Variants in GTF3C1 observed in about 807,000 individuals in gnomAD.
GTF3C1 encodes the protein general transcription factor 3C polypeptide 1.
GTF3C1 carries 57 observed loss-of-function variants against 226.7 expected under a neutral mutation model. That is an observed-to-expected ratio of 0.25 (90% CI 0.20 to 0.31). The LOEUF is 0.31. Ranked by LOEUF, GTF3C1 falls within the 10% of genes least tolerant of loss-of-function variation. The pLI is 1.00. For synonymous variants in GTF3C1, 1,090 were observed against 1,084.8 expected, an observed-to-expected ratio of 1.00 and a Z score of -0.09; for missense variants, 2,217 against 2,776.1, an observed-to-expected ratio of 0.80 and a Z score of 4.53.
chr16:27,464,262 G>T (rs1455285243), intron 34 of GTF3C1, 58 bp downstream of exon 34: 3 of 1,162,394 alleles, frequency 2.6e-6, no homozygotes, highest in African/African-American at 3.2e-5. Flanking sequence ...CCATCAGGGC[G>T]GAGGGGAGGG....
intron 27 of GTF3C1, among the ~76,000 whole-genome samples, chr16:27,480,127 G>A (rs568691610): frequency 4.6e-5 from 7 of 151,680 alleles, no homozygotes; most frequent in Admixed American, 3.3e-4. Flanking sequence ...CGTGAACCTG[G>A]GAAGCGGAGC....
At chr16:27,498,274 T>C (rs576786933) in intron 13 of GTF3C1, among the ~76,000 whole-genome samples, 3 of 152,310 alleles carry the variant, frequency 2.0e-5, no homozygotes, top group Admixed American at 1.3e-4. Context: ...CCCTGAGTTT[T>C]CTCTCAGCTC....
At position 27,488,477 on chromosome 16, in the gene GTF3C1, A is replaced by C. The variant is rs757009555; in HGVS notation, c.3512-62T>G. The C allele has an allele frequency of 3.6e-4, 560 of 1,555,004 alleles. 1 individual carries two copies. Among genetic ancestry groups the C allele is most frequent in the Non-Finnish European group, 4.7e-4 (535 of 1,126,646 alleles). Reference sequence around the variant, plus strand: ...AGTGCTGCAAAGGCCAGGAAGACCAAACCGAACATAGGGTAGTCGTTTAGG... The same window carrying C: ...AGTGCTGCAAAGGCCAGGAAGACCACACCGAACATAGGGTAGTCGTTTAGG... On this transcript the variant is annotated intron_variant, in intron 22 of 36. Coordinates refer to ENST00000356183, the MANE Select transcript of GTF3C1 (RefSeq NM_001520.4).
At position 27,470,964 on chromosome 16, in the gene GTF3C1, G is replaced by A. The variant is rs1596615418; in HGVS notation, c.4527-569C>T. Among the ~76,000 whole-genome samples the A allele has an allele frequency of 6.6e-6, 1 of 152,242 alleles. No individual in the cohort carries two copies. The highest frequency in any genetic ancestry group is 2.4e-5 in the African/African-American group (1 of 41,458). On this transcript the variant is annotated intron_variant, in intron 30 of 36. Coordinates refer to ENST00000356183, the MANE Select transcript of GTF3C1 (RefSeq NM_001520.4). This position sits in a 1 kb window ranked among gnomAD's most constrained non-coding sequence, Gnocchi z 4.9. ...TCAGAGCAGTGTCTCCGTGACAAAT[G>A]GCCTTGTTGGATTTGGGCACGTATC...
intron 6 of GTF3C1, among the ~76,000 whole-genome samples, chr16:27,521,038 G>A (rs558084742): frequency 1.1e-4 from 17 of 152,168 alleles, no homozygotes; most frequent in African/African-American, 1.7e-4. Context: ...CTCTTAAAGC[G>A]CGATCAATAG....
rs776072038 is a variant in GTF3C1 at position 27,511,817 on chromosome 16, A to G, written c.1058T>C (p.Ile353Thr). The G allele has an allele frequency of 1.2e-6, 2 of 1,614,168 alleles. No individual in the cohort carries two copies. Among genetic ancestry groups the G allele is most frequent in the East Asian group, 2.2e-5 (1 of 44,882 alleles). The change falls in exon 7 of 37, where the codon ATC (isoleucine) becomes ACC (threonine). Residue 353 changes from isoleucine to threonine, a missense_variant. By Grantham distance (89) the Ile-to-Thr change is moderately conservative. Transcript: ENST00000356183. ...DHDDDEDEEV[I>T]SKTVPPVDIV... ...GTCCACTGGAGGCACTGTCTTGGAG[A>G]TGACCTCCTCGTCCTCGTCATCATC...
chr16:27,476,528 A>G lies in GTF3C1; in HGVS notation c.4276T>C (p.Phe1426Leu). Reference sequence around the variant, plus strand: ...TGGATCAGGTTCTGAAGCACCAGAAAGTGGATGTCATCCACGCTGAAAGAG... The same window carrying G: ...TGGATCAGGTTCTGAAGCACCAGAAGGTGGATGTCATCCACGCTGAAAGAG... ...DELNSVDDIH[F>L]LVLQNLIQST... The change falls in exon 29 of 37, where the codon TTT (phenylalanine) becomes CTT (leucine). Residue 1426 changes from phenylalanine (F) to leucine (L), a missense_variant. Coordinates refer to ENST00000356183, the MANE Select transcript of GTF3C1 (RefSeq NM_001520.4). The G allele has an allele frequency of 6.2e-7, 1 of 1,609,578 alleles. No individual in the cohort carries two copies. Among genetic ancestry groups the G allele is most frequent in the Non-Finnish European group, 8.5e-7 (1 of 1,176,028 alleles).
In GTF3C1 at chr16:27,484,284, C is replaced by G; in HGVS notation, c.3928G>C (p.Asp1310His). ...CGTCCAACGGAATGAGATGTTTTAT[C>G]CAAAGACTCTTCAAACGTGGCATGC... ...ILHATFEESL[D>H]KTSHSVGRRA... Residue 1310 changes from aspartate to histidine, a missense_variant, in exon 25 of 37, where the codon GAT (aspartate) becomes CAT (histidine). Physicochemically the swap from Asp to His is moderately conservative, Grantham distance 81 (BLOSUM62 -1). This residue lies in a region of GTF3C1 where 546 missense variants were observed against 663.0 expected (regional missense o/e 0.82). Coordinates refer to ENST00000356183, the MANE Select transcript of GTF3C1 (RefSeq NM_001520.4). The G allele has an allele frequency of 6.2e-7, 1 of 1,607,424 alleles. No individual in the cohort carries two copies. Among genetic ancestry groups the G allele is most frequent in the Non-Finnish European group, 8.5e-7 (1 of 1,173,906 alleles).
At position 27,494,821 on chromosome 16, in the gene GTF3C1, T is replaced by C. The variant is rs758373951; in HGVS notation, c.2720A>G (p.Asp907Gly). ...GGAGAGGGGAAGGCAGAGGAGGATG[T>C]CGCTGACGAGAGCCCAGCCAAAGCC... is the stretch of plus-strand genomic sequence containing the variant. The part of the protein sequence containing the change: ...DFGFGWALVS[D>G]ILLCLPLSIF... The change falls in exon 16 of 37, where the codon GAC becomes GGC. Residue 907 changes from aspartate to glycine, a missense_variant. This residue lies in a region of GTF3C1 where 353 missense variants were observed against 411.7 expected (regional missense o/e 0.86). Transcript: ENST00000356183. 6.2e-7 allele frequency: 1 copy of C among 1,612,838 alleles called. No homozygotes were observed. Among genetic ancestry groups the C allele is most frequent in the Non-Finnish European group, 8.5e-7 (1 of 1,178,856 alleles).
intron 32 of GTF3C1, among the ~76,000 whole-genome samples, chr16:27,467,560 GTCT>G (rs1459732937): frequency 6.6e-6 from 1 of 152,174 alleles, no homozygotes; most frequent in Non-Finnish European, 1.5e-5. Context: ...TCACTTTCAA[GTCT>G]TATTATTTAA....
rs1567411387 is a variant in GTF3C1, at chr16:27,528,661, T to C, written c.910A>G (p.Lys304Glu). ...TCTTGCAAGCGAAGAGACACCACCT[T>C]GGCTAGCCCGGCGTTCAGCATATAC... ...YQYMLNAGLA[K>E]VVSLRLQEIH... is the part of the protein sequence containing the mutation. The change falls in exon 6 of 37, where the codon AAG becomes GAG. Residue 304 changes from lysine (K) to glutamate (E), a missense_variant. By Grantham distance (56) the Lys-to-Glu change is moderately conservative. This residue lies in a region of GTF3C1 where 163 missense variants were observed against 234.3 expected (regional missense o/e 0.70). Coordinates refer to ENST00000356183, the MANE Select transcript of GTF3C1 (RefSeq NM_001520.4). 2 of 1,612,792 alleles carry C rather than the reference T, an allele frequency of 1.2e-6. No homozygotes were observed. The highest frequency in any genetic ancestry group is 1.7e-6 in the Non-Finnish European group (2 of 1,178,790).
At chr16:27,529,485 A>G (rs982895205) in intron 5 of GTF3C1, among the ~76,000 whole-genome samples, 26 of 152,120 alleles carry the variant, frequency 1.7e-4, no homozygotes, top group African/African-American at 6.3e-4. Flanking sequence ...TGGTCTCTGA[A>G]GTTACAACAG....
chr16:27,492,631 G>A lies in GTF3C1; in HGVS notation c.2959C>T (p.Gln987Ter). Residue 987 changes from glutamine (Q) to a stop codon, truncating the protein, a stop_gained, in exon 18 of 37, where the codon CAG becomes TAG. Transcript: ENST00000356183. LOFTEE classifies it high-confidence loss of function. This position sits in a 1 kb window ranked among gnomAD's most constrained non-coding sequence, Gnocchi z 5.0. ...AGGGACATTACCTGATCTTTATCCT[G>A]AAACTTTTCCGTGGGACCAAACTGT... Reference protein sequence around the residue: ...LLQFGPTEKFQDKDQVFIFLK... With the variant: ...LLQFGPTEKF 2 of 1,595,828 alleles carry A rather than the reference G, an allele frequency of 1.3e-6. No individual in the cohort carries two copies. The highest frequency in any genetic ancestry group is 1.7e-6 in the Non-Finnish European group (2 of 1,163,332).
intron 4 of GTF3C1, among the ~76,000 whole-genome samples, chr16:27,537,428 G>T (rs186781918): frequency 3.9e-5 from 6 of 152,030 alleles, no homozygotes; most frequent in Admixed American, 2.6e-4. Context: ...ATTTTTTTAA[G>T]AGACAGGGTC....
intron 12 of GTF3C1, among the ~76,000 whole-genome samples, chr16:27,500,095 T>C (rs1177655912): frequency 1.3e-5 from 2 of 152,164 alleles, no homozygotes; most frequent in Non-Finnish European, 2.9e-5. Flanking sequence ...CAGATGCCTA[T>C]ACCTTCCTGT....
In GTF3C1 at chr16:27,495,328, C is replaced by A. The variant is rs1488510188; in HGVS notation, c.2515G>T (p.Ala839Ser). 1 of 1,613,928 alleles carries A rather than the reference C, an allele frequency of 6.2e-7. No individual in the cohort carries two copies. Among genetic ancestry groups the A allele is most frequent in the Non-Finnish European group, 8.5e-7 (1 of 1,179,804 alleles). Reference protein sequence around the residue: ...RRTIKQESGRAGVRPSSSGSA... With the variant: ...RRTIKQESGRSGVRPSSSGSA... ...CCAGAGGAGGACGGCCGGACGCCTGCCCTGCCTGACTCCTGCTTTATCGTT... is the reference window on the plus strand; with the variant it reads ...CCAGAGGAGGACGGCCGGACGCCTGACCTGCCTGACTCCTGCTTTATCGTT... The change falls in exon 15 of 37, where the codon GCA (alanine) becomes TCA (serine). Residue 839 changes from alanine to serine, a missense_variant. By Grantham distance (99) the Ala-to-Ser change is moderately conservative. This residue lies in a region of GTF3C1 where 353 missense variants were observed against 411.7 expected (regional missense o/e 0.86). Coordinates refer to ENST00000356183, the MANE Select transcript of GTF3C1 (RefSeq NM_001520.4).
intron 6 of GTF3C1, among the ~76,000 whole-genome samples, chr16:27,519,850 T>C (rs150686133): frequency 6.6e-6 from 1 of 152,282 alleles, no homozygotes; most frequent in East Asian, 1.9e-4. Context: ...CTCACGCCCA[T>C]AATCCCAGCA....
In GTF3C1 at chr16:27,470,474, CA is replaced by C. The variant is rs1325632180; in HGVS notation, c.4527-80del. 1.1e-5 allele frequency: 13 copies of C among 1,153,394 alleles called. No homozygotes were observed. In the African/African-American group the frequency reaches 2.0e-4, roughly 18 times the overall value. The allele number at this position is 1,153,394 out of a possible 1,614,324, so 71.4% of individuals were successfully genotyped here. A position where few individuals can be genotyped will look rare whatever the true frequency, so the allele number is the denominator to read the frequency against. ...TCATTTGGATGGACTATGAGCACGT[CA>C]AACCATTATGGTGAGAACTAAGCAA... On this transcript the variant is annotated intron_variant, in intron 30 of 36. Coordinates refer to ENST00000356183, the MANE Select transcript of GTF3C1 (RefSeq NM_001520.4). The surrounding 1 kb of genome is among the most constrained non-coding windows in gnomAD (Gnocchi z 4.9).
In GTF3C1 at chr16:27,463,715, A is replaced by C. The variant is rs2087738950; in HGVS notation, c.5873-123T>G. On this transcript the variant is annotated intron_variant, in intron 34 of 36. Transcript: ENST00000356183. This position sits in a 1 kb window ranked among gnomAD's most constrained non-coding sequence, Gnocchi z 4.9. ...CTCGAGGCTCAGGGGATGAAGTGTCAAAAAAAAAGGACAATGAGCATCTCA... is the reference window on the plus strand; with the variant it reads ...CTCGAGGCTCAGGGGATGAAGTGTCCAAAAAAAAGGACAATGAGCATCTCA... 4.6e-6 allele frequency: 3 copies of C among 656,888 alleles called. No individual in the cohort carries two copies. The highest frequency in any genetic ancestry group is 1.6e-5 in the South Asian group (1 of 61,666). 40.7% of individuals were successfully genotyped at this position (656,888 alleles called of 1,614,324 possible). A position where few individuals can be genotyped will look rare whatever the true frequency, so the allele number is the denominator to read the frequency against.
Sources: gnomAD v4.1 joint callset for allele counts (sites outside exome capture counted in the v4.1 genomes callset) on GRCh38, gnomAD v4.1.1 for gene constraint, gnomAD v4.1.1 regional missense constraint, Gnocchi (gnomAD v3.1) non-coding constraint, MANE v1.5 for transcripts, NCBI Gene and HGNC (gene_info 2026-07-23, HGNC 2026-07-21) for gene names.